The following NALF1 variants were observed in gnomAD, a reference collection of about 807,000 sequenced individuals.
NALF1 encodes family with sequence similarity 155 member A.
A neutral mutation model predicts 48.4 loss-of-function variants in NALF1; 3 were observed. The observed-to-expected ratio is 0.06, with a 90% CI of 0.03 to 0.16. The LOEUF (loss-of-function observed/expected upper bound fraction) is 0.16. Ranked by LOEUF, NALF1 falls within the 10% of genes least tolerant of loss-of-function variation. The pLI is 1.00. For missense variants in NALF1, 526 were observed against 571.5 expected, an observed-to-expected ratio of 0.92 and a Z score of 0.81; for synonymous variants, 262 against 245.7, an observed-to-expected ratio of 1.07 and a Z score of -0.62.
chr13:107,442,704 A>G (rs1392246962), intron 1 of NALF1, among the ~76,000 whole-genome samples: 4 of 152,226 alleles, frequency 2.6e-5, no homozygotes. Flanking sequence ...TAAGAAAACC[A>G]ATATTTTTCT....
intron 2 of NALF1, among the ~76,000 whole-genome samples, chr13:107,178,837 C>T (rs1040860663): frequency 6.6e-6 from 1 of 151,714 alleles, no homozygotes; most frequent in African/African-American, 2.4e-5. Context: ...CGCAGCTACT[C>T]GGGAGGCTGA....
intron 1 of NALF1, among the ~76,000 whole-genome samples, chr13:107,553,757 T>A (rs1483098604): frequency 1.3e-5 from 2 of 152,198 alleles, no homozygotes; most frequent in African/African-American, 4.8e-5. Flanking sequence ...AAACAGAGCC[T>A]CTTCTGTCTC....
At position 107,866,748 on chromosome 13, in the gene NALF1, C is replaced by CCTCTCTCCTCTCT; in HGVS notation, c.-165_-153dup. ...CTCTCTTTCTCTCTCTTCCCCTCTCCCTCTCTCCTCTCTCTCTCTCTCCCT... is the reference window on the plus strand; with the variant it reads ...CTCTCTTTCTCTCTCTTCCCCTCTCCCTCTCTCCTCTCTCTCTCTCCTCTCTCTCTCTCTCCCT... On this transcript the variant is annotated 5_prime_UTR_variant, in exon 1 of 3. Coordinates refer to ENST00000375915, the MANE Select transcript of NALF1 (RefSeq NM_001080396.3). The surrounding 1 kb of genome is among the most constrained non-coding windows in gnomAD (Gnocchi z 4.4). 1 of 617,534 alleles carries CCTCTCTCCTCTCT rather than the reference C, an allele frequency of 1.6e-6. No individual in the cohort carries two copies. The allele number at this position is 617,534 out of a possible 1,614,324, so 38.3% of individuals were successfully genotyped here. A position where few individuals can be genotyped will look rare whatever the true frequency, so the allele number is the denominator to read the frequency against.
chr13:107,215,996 C>T lies in NALF1; in HGVS notation c.916-5241G>A, dbSNP rs574369112. 3.3e-5 allele frequency among the ~76,000 whole-genome samples: 5 copies of T among 152,232 alleles called. No individual in the cohort carries two copies. The South Asian group carries it at 1.0e-3, about 32-fold the overall frequency. Reference sequence around the variant, plus strand: ...ATATCATGTTGGCTATATATTTTATCACAAAGAAAAATGTCAGATATTAAA... The same window carrying T: ...ATATCATGTTGGCTATATATTTTATTACAAAGAAAAATGTCAGATATTAAA... On this transcript the variant is annotated intron_variant, in intron 1 of 2. Coordinates refer to ENST00000375915, the MANE Select transcript of NALF1 (RefSeq NM_001080396.3).
intron 1 of NALF1, among the ~76,000 whole-genome samples, chr13:107,505,997 T>A (rs1264062137): frequency 6.6e-6 from 1 of 152,178 alleles, no homozygotes; most frequent in South Asian, 2.1e-4. Flanking sequence ...GAACTTGTGA[T>A]AATACATTTT....
chr13:107,769,612 G>A (rs1312445122), intron 1 of NALF1, among the ~76,000 whole-genome samples: 2 of 150,740 alleles, frequency 1.3e-5, no homozygotes, highest in Non-Finnish European at 2.9e-5. Context: ...AGTGGGTTCA[G>A]TACACCAGCA....
chr13:107,190,277 GA>G (rs567497450), intron 2 of NALF1, among the ~76,000 whole-genome samples: 138 of 152,244 alleles, frequency 9.1e-4, no homozygotes, highest in African/African-American at 2.9e-3. Context: ...AATGTATTTA[GA>G]GTACAAAGAC....
At chr13:107,756,454 T>A (rs559369767) in intron 1 of NALF1, among the ~76,000 whole-genome samples, 2 of 150,892 alleles carry the variant, frequency 1.3e-5, no homozygotes, top group Non-Finnish European at 2.9e-5. Flanking sequence ...TATATATATA[T>A]AAAGCATAAA....
intron 1 of NALF1, among the ~76,000 whole-genome samples, chr13:107,558,382 T>G (rs936653345): frequency 6.6e-6 from 1 of 152,150 alleles, no homozygotes. Context: ...ATCATTGAAA[T>G]TGGGCCAGTC....
intron 1 of NALF1, among the ~76,000 whole-genome samples, chr13:107,731,980 C>G (rs1350901181): frequency 6.6e-6 from 1 of 152,062 alleles, no homozygotes; most frequent in Non-Finnish European, 1.5e-5. Flanking sequence ...TGATGAAGAA[C>G]AAGCAAAAAA....
intron 1 of NALF1, among the ~76,000 whole-genome samples, chr13:107,519,135 T>C (rs1876155721): frequency 6.6e-6 from 1 of 152,124 alleles, no homozygotes; most frequent in Non-Finnish European, 1.5e-5. Context: ...TTGTGATATG[T>C]GTTTACAATC....
At chr13:107,701,512 G>C (rs1023136181) in intron 1 of NALF1, among the ~76,000 whole-genome samples, 5 of 152,098 alleles carry the variant, frequency 3.3e-5, no homozygotes, top group African/African-American at 1.2e-4. Flanking sequence ...ATGAGGGAGG[G>C]AGGAGGAAAT....
At chr13:107,291,772 AGTT>A (rs988941469) in intron 1 of NALF1, among the ~76,000 whole-genome samples, 4 of 148,164 alleles carry the variant, frequency 2.7e-5, no homozygotes, top group Admixed American at 2.6e-4. Context: ...TAAGAAAAAC[AGTT>A]TTATGCTTTG....
At chr13:107,299,788 T>A (rs1397903788) in intron 1 of NALF1, among the ~76,000 whole-genome samples, 2 of 152,176 alleles carry the variant, frequency 1.3e-5, no homozygotes, top group African/African-American at 4.8e-5. Context: ...AATCCAATTC[T>A]GTCATTGTTT....
chr13:107,250,603 A>G (rs1202153259), intron 1 of NALF1, among the ~76,000 whole-genome samples: 1 of 152,204 alleles, frequency 6.6e-6, no homozygotes, highest in Non-Finnish European at 1.5e-5. Flanking sequence ...CAGAGAGGAT[A>G]GGAAAATGCA....
intron 1 of NALF1, among the ~76,000 whole-genome samples, chr13:107,268,047 C>T (rs1039705209): frequency 2.1e-5 from 3 of 141,518 alleles, no homozygotes; most frequent in Non-Finnish European, 4.5e-5. Context: ...AGAGTAGTGG[C>T]GCGATCTCGG....
In NALF1 at chr13:107,705,804, A is replaced by C. The variant is rs1463429981; in HGVS notation, c.915+159878T>G. The stretch of plus-strand genomic sequence containing the variant: ...AGAAAAAAACAACAACAGATGCTTT[A>C]GTGAACAAAGTGTGCACATTTGGGA... On this transcript the variant is annotated intron_variant, in intron 1 of 2. Coordinates refer to ENST00000375915, the MANE Select transcript of NALF1 (RefSeq NM_001080396.3). Among the ~76,000 whole-genome samples the C allele has an allele frequency of 2.0e-5, 3 of 152,326 alleles. No homozygotes were observed. The East Asian group carries it at 5.8e-4, about 29-fold the overall frequency.
intron 1 of NALF1, among the ~76,000 whole-genome samples, chr13:107,358,834 T>C (rs1196151770): frequency 1.3e-5 from 2 of 152,144 alleles, no homozygotes; most frequent in Non-Finnish European, 2.9e-5. Context: ...CACAGGTTTC[T>C]TTGGGATTGG....
intron 1 of NALF1, among the ~76,000 whole-genome samples, chr13:107,819,726 G>C (rs973153798): frequency 1.7e-4 from 21 of 121,564 alleles, no homozygotes; most frequent in South Asian, 5.6e-4. Context: ...TCTGGAAACT[G>C]TCTCTCTCTC....
Sources: gnomAD v4.1 joint callset for allele counts (sites outside exome capture counted in the v4.1 genomes callset) on GRCh38, gnomAD v4.1.1 for gene constraint, Gnocchi (gnomAD v3.1) non-coding constraint, MANE v1.5 for transcripts, NCBI Gene and HGNC (gene_info 2026-07-23, HGNC 2026-07-21) for gene names.